MMAB: variants seen among roughly 807,000 people sequenced by gnomAD.
The protein encoded by MMAB is corrinoid adenosyltransferase MMAB.
In MMAB, 17 loss-of-function variants were observed where a neutral mutation model predicts 30.6. The observed-to-expected ratio is 0.56, with a 90% CI of 0.38 to 0.83. The LOEUF (loss-of-function observed/expected upper bound fraction) is 0.83. MMAB is among the 40% of genes least tolerant of loss of function. The pLI is 0.00. For synonymous variants in MMAB, 134 were observed against 138.6 expected, an observed-to-expected ratio of 0.97 and a Z score of 0.23; for missense variants, 311 against 331.6, an observed-to-expected ratio of 0.94 and a Z score of 0.48.
chr12:109,559,608 C>T (rs1884119220), intron 7 of MMAB, among the ~76,000 whole-genome samples: 3 of 152,226 alleles, frequency 2.0e-5, no homozygotes, highest in African/African-American at 4.8e-5. Context: ...CCAGGCAGAC[C>T]AAGCTCCTGA....
At chr12:109,565,069 T>C in intron 4 of MMAB, 50 bp downstream of exon 4, 1 of 1,451,250 alleles carries the variant, frequency 6.9e-7, no homozygotes, top group Non-Finnish European at 9.7e-7. Context: ...AGTCCCGTGA[T>C]GGCCACCGGG....
At chr12:109,559,708 G>A (rs1041049631) in intron 7 of MMAB, among the ~76,000 whole-genome samples, 16 of 152,236 alleles carry the variant, frequency 1.1e-4, no homozygotes, top group Non-Finnish European at 1.0e-4. Flanking sequence ...CACCAGTGTG[G>A]TGGCGGGCCC....
Position 109,561,079 on chromosome 12 carries a change from A to C in MMAB, c.545T>G (p.Leu182Arg). The change falls in exon 7 of 9, where the codon CTG becomes CGG. Residue 182 changes from leucine to arginine, a missense_variant. By Grantham distance (102) the Leu-to-Arg change is moderately radical. Transcript: ENST00000545712. This position sits in a 1 kb window ranked among gnomAD's most constrained non-coding sequence, Gnocchi z 5.3. ...GCGGCACACGGCCCGGCAGAAATGC[A>C]GCGCCGAGCTGATCTTGCCTCCCGA... is the stretch of plus-strand genomic sequence containing the variant. ...LPSGGKISSA[L>R]HFCRAVCRRA... The C allele has an allele frequency of 1.9e-6, 3 of 1,609,950 alleles. No individual in the cohort carries two copies. Among genetic ancestry groups the C allele is most frequent in the Non-Finnish European group, 2.5e-6 (3 of 1,179,726 alleles).
chr12:109,570,873 C>CAAA (rs111235348), intron 2 of MMAB, among the ~76,000 whole-genome samples: 3 of 92,384 alleles, frequency 3.2e-5, no homozygotes, highest in African/African-American at 3.9e-5. Context: ...AACCCTGTAT[C>CAAA]AAAAAAAAAA....
intron 2 of MMAB, among the ~76,000 whole-genome samples, chr12:109,570,699 A>C (rs1394047448): frequency 6.6e-6 from 1 of 151,996 alleles, no homozygotes; most frequent in African/African-American, 2.4e-5. Flanking sequence ...GCAAGACCTC[A>C]TCTCTACAAA....
chr12:109,560,049 G>A (rs747667015), intron 7 of MMAB, among the ~76,000 whole-genome samples: 11 of 152,222 alleles, frequency 7.2e-5, no homozygotes, highest in Non-Finnish European at 1.0e-4. Context: ...GGGCCTTTGG[G>A]TTGTTTCCAG....
chr12:109,559,501 A>G (rs1884115453), intron 7 of MMAB, among the ~76,000 whole-genome samples: 1 of 152,196 alleles, frequency 6.6e-6, no homozygotes, highest in African/African-American at 2.4e-5. Context: ...TCTAGCCTTC[A>G]AAGGAAGTGG....
Position 109,554,753 on chromosome 12 carries a change from G to A in MMAB, c.*2275C>T, listed in dbSNP as rs778508185. The A allele has an allele frequency of 4.4e-6, 2 of 453,908 alleles. No individual in the cohort carries two copies. The highest frequency in any genetic ancestry group is 2.0e-5 in the African/African-American group (1 of 49,976). The allele number at this position is 453,908 out of a possible 1,614,324, so 28.1% of individuals were successfully genotyped here. On this transcript the variant is annotated 3_prime_UTR_variant, in exon 9 of 9. Transcript: ENST00000545712. ...GGGTACACATCTTTTCTTTTGCCTC[G>A]GGCTCTTGATAGAGCTTTTGAAAGG...
chr12:109,565,945 G>A (rs947373086), intron 3 of MMAB, among the ~76,000 whole-genome samples: 6 of 152,210 alleles, frequency 3.9e-5, no homozygotes. Flanking sequence ...CCCAGCAGGA[G>A]ACAGTGGCGC....
rs1884087479 is a variant in MMAB at position 109,558,941 on chromosome 12, C to G, written c.644+155G>C. Among the ~76,000 whole-genome samples, 1 of 152,160 alleles carries G rather than the reference C, an allele frequency of 6.6e-6. No homozygotes were observed. Among genetic ancestry groups the G allele is most frequent in the African/African-American group, 2.4e-5 (1 of 41,428 alleles). On this transcript the variant is annotated intron_variant, in intron 8 of 8. Transcript: ENST00000545712. This position sits in a 1 kb window ranked among gnomAD's most constrained non-coding sequence, Gnocchi z 4.3. ...TGCCTCCCCTGTGCCCGGCGTGGTG[C>G]CTGGCACAGAGCAGATGTTCATAAA...
At chr12:109,562,024 C>G (rs1884231587) in intron 4 of MMAB, among the ~76,000 whole-genome samples, 172 bp from the exon 5 acceptor site, 1 of 152,182 alleles carries the variant, frequency 6.6e-6, no homozygotes, top group Non-Finnish European at 1.5e-5. Flanking sequence ...AAATTGTGAT[C>G]CCCAGAGTTG....
chr12:109,554,253 T>A lies in MMAB; in HGVS notation c.*2775A>T, dbSNP rs1023284875. The A allele has an allele frequency of 8.8e-6, 4 of 453,920 alleles. No homozygotes were observed. Among genetic ancestry groups the A allele is most frequent in the Non-Finnish European group, 1.8e-5 (4 of 226,780 alleles). 28.1% of individuals were successfully genotyped at this position (453,920 alleles called of 1,614,324 possible). Reference sequence around the variant, plus strand: ...AGATAATGTCTGTGGAACACTTGGCTCAGGGCACTGCACATAGCAAGCCCT... The same window carrying A: ...AGATAATGTCTGTGGAACACTTGGCACAGGGCACTGCACATAGCAAGCCCT... On this transcript the variant is annotated 3_prime_UTR_variant, in exon 9 of 9. Coordinates refer to ENST00000545712, the MANE Select transcript of MMAB (RefSeq NM_052845.4).
In MMAB at chr12:109,554,062, A is replaced by G; in HGVS notation, c.*2966T>C. 2.2e-6 allele frequency: 1 copy of G among 453,780 alleles called. No individual in the cohort carries two copies. The highest frequency in any genetic ancestry group is 2.4e-5 in the Admixed American group (1 of 42,544). 28.1% of individuals were successfully genotyped at this position (453,780 alleles called of 1,614,324 possible). On this transcript the variant is annotated 3_prime_UTR_variant, in exon 9 of 9. Transcript: ENST00000545712. ...AGCCTGGCATTGTTCGCCACAGCCC[A>G]GGTAGTGATTAAAACGACTGTCAAG... is the stretch of plus-strand genomic sequence containing the variant.
Position 109,554,993 on chromosome 12 carries a change from G to A in MMAB, c.*2035C>T, listed in dbSNP as rs760288716. ...TGAGAACGCGACTGTTAACATCCAGGCTGTGACACCCGGTCCTGGAAGGAC... is the reference window on the plus strand; with the variant it reads ...TGAGAACGCGACTGTTAACATCCAGACTGTGACACCCGGTCCTGGAAGGAC... On this transcript the variant is annotated 3_prime_UTR_variant, in exon 9 of 9. Coordinates refer to ENST00000545712, the MANE Select transcript of MMAB (RefSeq NM_052845.4). The A allele has an allele frequency of 1.1e-5, 5 of 453,978 alleles. No individual in the cohort carries two copies. Among genetic ancestry groups the A allele is most frequent in the Middle Eastern group, 6.8e-4 (1 of 1,466 alleles). 28.1% of individuals were successfully genotyped at this position (453,978 alleles called of 1,614,324 possible).
At chr12:109,562,931 G>A (rs936910119) in intron 4 of MMAB, among the ~76,000 whole-genome samples, 4 of 152,208 alleles carry the variant, frequency 2.6e-5, no homozygotes, top group Non-Finnish European at 5.9e-5. Flanking sequence ...CTCTGACTTT[G>A]TGCCCAGCCA....
At chr12:109,559,186 A>T (rs1394157471) in intron 7 of MMAB, 31 bp from the exon 8 acceptor site, 1 of 1,560,228 alleles carries the variant, frequency 6.4e-7, no homozygotes, top group Admixed American at 1.7e-5. Context: ...GAGTCACGTG[A>T]CATTATGGGG....
At chr12:109,571,504 G>A in intron 2 of MMAB, 145 bp downstream of exon 2, 1 of 731,822 alleles carries the variant, frequency 1.4e-6, no homozygotes, top group South Asian at 1.5e-5. Flanking sequence ...AGCCCAACAG[G>A]GCCTCCCAAA....
In MMAB at chr12:109,556,435, C is replaced by T. The variant is rs760800526; in HGVS notation, c.*593G>A. 16 of 453,960 alleles carry T rather than the reference C, an allele frequency of 3.5e-5. No homozygotes were observed. Among genetic ancestry groups the T allele is most frequent in the Admixed American group, 2.4e-4 (10 of 42,542 alleles). The allele number at this position is 453,960 out of a possible 1,614,324, so 28.1% of individuals were successfully genotyped here. On this transcript the variant is annotated 3_prime_UTR_variant, in exon 9 of 9. Transcript: ENST00000545712. ...ATCTAAGCCAGGAGTTTCTGAGCCT[C>T]GCCTGTCAATCTGCAGCTATCCTTC...
Position 109,555,586 on chromosome 12 carries a change from T to A in MMAB, c.*1442A>T. ...GTTTTCAGCTCTGTTTTGCAAACAC[T>A]GAGCACCGACTCCGTACCAGACCTG... is the stretch of plus-strand genomic sequence containing the variant. On this transcript the variant is annotated 3_prime_UTR_variant, in exon 9 of 9. Coordinates refer to ENST00000545712, the MANE Select transcript of MMAB (RefSeq NM_052845.4). The A allele has an allele frequency of 2.2e-6, 1 of 451,786 alleles. No individual in the cohort carries two copies. Among genetic ancestry groups the A allele is most frequent in the South Asian group, 1.6e-5 (1 of 64,152 alleles). 28.0% of individuals were successfully genotyped at this position (451,786 alleles called of 1,614,324 possible).
Sources: allele counts gnomAD v4.1 joint callset (sites outside exome capture counted in the v4.1 genomes callset), GRCh38; gene constraint gnomAD v4.1.1; non-coding constraint Gnocchi (gnomAD v3.1); transcripts MANE v1.5; gene names NCBI Gene and HGNC (gene_info 2026-07-23, HGNC 2026-07-21).